The following DOCK9 variants were observed in gnomAD, a reference collection of about 807,000 sequenced individuals.
DOCK9 encodes the protein dedicator of cytokinesis protein 9.
Under a neutral mutation model 263.3 loss-of-function variants are expected in DOCK9, and 89 were observed. The observed-to-expected ratio is 0.34, with a 90% confidence interval of 0.28 to 0.40. The LOEUF (loss-of-function observed/expected upper bound fraction) is 0.40, where lower values mean the gene tolerates loss of function less well. Among genes scored for constraint, DOCK9 ranks in the 10% least tolerant of loss-of-function variants. The probability of loss-of-function intolerance (pLI) is 1.00; values close to 1 mark genes in which losing one functional copy is unlikely to be tolerated. For synonymous variants in DOCK9, 976 were observed against 973.1 expected, an observed-to-expected ratio of 1.00 and a Z score of -0.06; for missense variants, 2,140 against 2,603.4, an observed-to-expected ratio of 0.82 and a Z score of 3.87.
intron 1 of DOCK9, among the ~76,000 whole-genome samples, chr13:98,968,164 A>G (rs1396497258): frequency 6.6e-6 from 1 of 152,252 alleles, no homozygotes; most frequent in Non-Finnish European, 1.5e-5. Flanking sequence ...GGCATAAAAC[A>G]GACACCAAAT....
intron 3 of DOCK9, among the ~76,000 whole-genome samples, chr13:98,929,923 G>T (rs1273759633): frequency 6.6e-6 from 1 of 152,060 alleles, no homozygotes; most frequent in Non-Finnish European, 1.5e-5. Context: ...TTTGTAGTCA[G>T]ATATAGCCCC....
chr13:98,834,463 C>A (rs1412606186), intron 39 of DOCK9: 1 of 152,230 alleles, frequency 6.6e-6, no homozygotes, highest in African/African-American at 2.4e-5. Context: ...AGCTGCCTCG[C>A]AAGCCTCCGG....
chr13:98,979,777 C>G (rs184890058), upstream of DOCK9, among the ~76,000 whole-genome samples: 1 of 152,114 alleles, frequency 6.6e-6, no homozygotes, highest in African/African-American at 2.4e-5. Flanking sequence ...AGAAAAAACT[C>G]TCACTTACCT....
chr13:99,005,003 G>A (rs549299911), intron 1 of DOCK9, among the ~76,000 whole-genome samples: 3 of 151,868 alleles, frequency 2.0e-5, no homozygotes, highest in Non-Finnish European at 4.4e-5. Flanking sequence ...GACTTTGTTT[G>A]GAAACTCTGC....
intron 15 of DOCK9, among the ~76,000 whole-genome samples, chr13:98,896,506 A>G (rs1411406459): frequency 1.3e-5 from 2 of 151,732 alleles, no homozygotes; most frequent in Admixed American, 1.3e-4. Flanking sequence ...AAAAAAAAAC[A>G]AGGATACCTT....
intron 35 of DOCK9, 51 bp downstream of exon 35, chr13:98,853,357 C>T (rs2093623095): frequency 3.9e-6 from 5 of 1,273,180 alleles, no homozygotes; most frequent in Non-Finnish European, 3.3e-6. Context: ...TAAAACCAAA[C>T]AAACCAAGTG....
At chr13:98,941,778 C>T (rs539844214) in intron 2 of DOCK9, among the ~76,000 whole-genome samples, 1 of 152,184 alleles carries the variant, frequency 6.6e-6, no homozygotes, top group East Asian at 1.9e-4. Context: ...TAAAAACAGC[C>T]TCCTCAAAAA....
intron 32 of DOCK9, among the ~76,000 whole-genome samples, chr13:98,861,846 G>A (rs1383743159): frequency 6.6e-6 from 1 of 152,192 alleles, no homozygotes; most frequent in Non-Finnish European, 1.5e-5. Flanking sequence ...AAGGCAGTCA[G>A]TTCTTGGAGG....
At chr13:99,014,885 T>C (rs959380309) in intron 1 of DOCK9, among the ~76,000 whole-genome samples, 2 of 152,192 alleles carry the variant, frequency 1.3e-5, no homozygotes, top group Non-Finnish European at 2.9e-5. Flanking sequence ...GCACTTCCTC[T>C]CGCTCTCAAG....
chr13:98,829,842 A>G lies in DOCK9; in HGVS notation c.4636-86T>C. The G allele has an allele frequency of 1.7e-6, 2 of 1,189,658 alleles. No homozygotes were observed. The highest frequency in any genetic ancestry group is 2.6e-5 in the South Asian group (2 of 75,910). The allele number at this position is 1,189,658 out of a possible 1,614,324, so 73.7% of individuals were successfully genotyped here. A position where few individuals can be genotyped will look rare whatever the true frequency, so the allele number is the denominator to read the frequency against. Reference sequence around the variant, plus strand: ...TTCTGCGTTCAGTTAGGATGTGCCTAAGGACCCAGCAAAGTGGGGGTTGGG... The same window carrying G: ...TTCTGCGTTCAGTTAGGATGTGCCTGAGGACCCAGCAAAGTGGGGGTTGGG... On this transcript the variant is annotated intron_variant, in intron 41 of 52. Transcript: ENST00000682017. The surrounding 1 kb of genome is among the most constrained non-coding windows in gnomAD (Gnocchi z 4.1).
At chr13:98,848,963 C>A (rs1341095285) in intron 36 of DOCK9, among the ~76,000 whole-genome samples, 1 of 152,152 alleles carries the variant, frequency 6.6e-6, no homozygotes, top group East Asian at 1.9e-4. Flanking sequence ...CGGCAGTGTG[C>A]CCGAGAAAAC....
chr13:98,827,133 G>A (rs1218666727), intron 43 of DOCK9, among the ~76,000 whole-genome samples: 1 of 152,126 alleles, frequency 6.6e-6, no homozygotes, highest in African/African-American at 2.4e-5. Flanking sequence ...TTTCTATATA[G>A]AATTATTACA....
chr13:98,879,535 G>A (rs548630225), intron 27 of DOCK9, among the ~76,000 whole-genome samples: 3 of 152,240 alleles, frequency 2.0e-5, no homozygotes, highest in Admixed American at 6.5e-5. Context: ...TTCAACAAAC[G>A]TGAAGATTTC....
At chr13:99,087,864 G>C (rs1737336292), upstream of DOCK9, 2 of 152,306 alleles carry the variant, frequency 1.3e-5, no homozygotes, top group African/African-American at 4.8e-5. Context: ...CGCAGAGAGT[G>C]GTGGTCTTGA....
intron 2 of DOCK9, among the ~76,000 whole-genome samples, chr13:98,952,976 G>A (rs1229209777): frequency 1.3e-5 from 2 of 152,080 alleles, no homozygotes; most frequent in African/African-American, 2.4e-5. Flanking sequence ...TGTTCCCTCT[G>A]CCTCTAATAA....
intron 1 of DOCK9, among the ~76,000 whole-genome samples, chr13:98,984,028 G>A (rs537269504): frequency 8.5e-5 from 13 of 152,130 alleles, no homozygotes; most frequent in Non-Finnish European, 1.8e-4. Context: ...TGAATGTTAG[G>A]GAAGGTGGTC....
chr13:98,906,355 A>T (rs1324160468), intron 9 of DOCK9, among the ~76,000 whole-genome samples: 3 of 152,142 alleles, frequency 2.0e-5, no homozygotes, highest in Non-Finnish European at 4.4e-5. Context: ...TGAGGGCTGG[A>T]GATGAAGGAT....
At chr13:98,813,747 C>A (rs1254316377) in intron 45 of DOCK9, among the ~76,000 whole-genome samples, 1 of 152,140 alleles carries the variant, frequency 6.6e-6, no homozygotes, top group African/African-American at 2.4e-5. Context: ...TCAAGCGATT[C>A]TCTTGCCTCA....
chr13:98,912,514 T>C (rs1336347931), intron 9 of DOCK9, among the ~76,000 whole-genome samples: 1 of 152,186 alleles, frequency 6.6e-6, no homozygotes, highest in Non-Finnish European at 1.5e-5. Flanking sequence ...ACCTAACTTG[T>C]AACCCATAGT....
Sources: allele counts gnomAD v4.1 joint callset (sites outside exome capture counted in the v4.1 genomes callset), GRCh38; gene constraint gnomAD v4.1.1; non-coding constraint Gnocchi (gnomAD v3.1); transcripts MANE v1.5; gene names NCBI Gene and HGNC (gene_info 2026-07-23, HGNC 2026-07-21).